The following CEP128 variants were observed in gnomAD, a reference collection of about 807,000 sequenced individuals.
CEP128 encodes centrosomal protein 128kDa.
In CEP128, 132 loss-of-function variants were observed where a neutral mutation model predicts 156.7. The observed-to-expected ratio is 0.84, with a 90% CI of 0.73 to 0.97. The LOEUF (loss-of-function observed/expected upper bound fraction) is 0.97. Ranked by LOEUF, CEP128 falls within the 50% of genes least tolerant of loss-of-function variation. CEP128 has a pLI of 0.00. For synonymous variants in CEP128, 469 were observed against 448.9 expected, an observed-to-expected ratio of 1.04 and a Z score of -0.57; for missense variants, 1,252 against 1,281.9, an observed-to-expected ratio of 0.98 and a Z score of 0.36.
Position 80,527,017 on chromosome 14 carries a change from T to G in CEP128, c.2959-35A>C, listed in dbSNP as rs113431377. The G allele has an allele frequency of 2.5e-3, 2,420 of 971,844 alleles. 48 individuals carry two copies. In the African/African-American group the frequency reaches 0.037, roughly 15 times the overall value. 60.2% of individuals were successfully genotyped at this position (971,844 alleles called of 1,614,324 possible). ...AAAAAAAGCAAAGGGTCTGAACTGG[T>G]AGATGAAAGAAAATCAGTGCTTGAA... is the stretch of plus-strand genomic sequence containing the variant. On this transcript the variant is annotated intron_variant, in intron 22 of 24. Transcript: ENST00000555265.
At chr14:80,567,866 G>T (rs1890980959) in intron 20 of CEP128, among the ~76,000 whole-genome samples, 1 of 151,864 alleles carries the variant, frequency 6.6e-6, no homozygotes, top group Non-Finnish European at 1.5e-5. Context: ...AAGAGATGGA[G>T]AAAGAGGAAT....
intron 13 of CEP128, among the ~76,000 whole-genome samples, chr14:80,800,967 A>G (rs1022407892): frequency 6.6e-6 from 1 of 152,244 alleles, no homozygotes; most frequent in Non-Finnish European, 1.5e-5. Context: ...AATGTGAAGA[A>G]GAGAAAAGAT....
At position 80,559,279 on chromosome 14, in the gene CEP128, C is replaced by T. The variant is rs371465350; in HGVS notation, c.2880G>A (p.Thr960=). ...SLQDRVIALE[T]STQVALDHLE... ...GGAGAAAGAAAATGCCCCAACTTAC[C>T]GTTTCTAATGCAATTACACGGTCCT... Residue 960 remains threonine, a splice_region_variant and synonymous_variant, in exon 21 of 25, where the codon ACG becomes ACA. Transcript: ENST00000555265. 2.4e-5 allele frequency: 38 copies of T among 1,603,864 alleles called. No homozygotes were observed. The highest frequency in any genetic ancestry group is 1.7e-4 in the Middle Eastern group (1 of 6,056).
intron 23 of CEP128, among the ~76,000 whole-genome samples, chr14:80,514,977 C>T (rs1888422956): frequency 6.6e-6 from 1 of 152,200 alleles, no homozygotes; most frequent in South Asian, 2.1e-4. Context: ...GTGAGTCTTG[C>T]AGACTCATAG....
intron 14 of CEP128, among the ~76,000 whole-genome samples, chr14:80,479,259 G>A (rs1355465557): frequency 6.6e-6 from 1 of 152,156 alleles, no homozygotes; most frequent in Admixed American, 6.6e-5. Context: ...GGTGGATTAT[G>A]CAAGTAAAAT....
intron 19 of CEP128, among the ~76,000 whole-genome samples, chr14:80,667,981 G>A (rs893467616): frequency 3.3e-5 from 5 of 151,952 alleles, no homozygotes; most frequent in African/African-American, 1.2e-4. Context: ...TGACACTGAT[G>A]ATGAAAACAA....
At chr14:80,579,800 A>G (rs1363277364) in intron 20 of CEP128, among the ~76,000 whole-genome samples, 1 of 152,234 alleles carries the variant, frequency 6.6e-6, no homozygotes, top group African/African-American at 2.4e-5. Flanking sequence ...ATGTGAAAAG[A>G]AGAGAGAACT....
chr14:80,795,781 C>A (rs1324189463), intron 13 of CEP128, among the ~76,000 whole-genome samples: 2 of 152,116 alleles, frequency 1.3e-5, no homozygotes, highest in Non-Finnish European at 1.5e-5. Context: ...ATGCAGGATA[C>A]CCCAAATATG....
chr14:80,575,606 C>T (rs1891322412), intron 20 of CEP128, among the ~76,000 whole-genome samples: 1 of 152,048 alleles, frequency 6.6e-6, no homozygotes, highest in South Asian at 2.1e-4. Flanking sequence ...TTGCTTTATC[C>T]CTAAGCATGC....
chr14:80,944,822 CAAAAAAAAAAAAAAAAAA>C (rs55662141), upstream of CEP128, among the ~76,000 whole-genome samples: 25 of 34,652 alleles, frequency 7.2e-4, no homozygotes, highest in East Asian at 1.2e-3. Context: ...GAGTCTGTCT[CAAAAAAAAAAAAAAAAAA>C]AAAAAAAAAA....
chr14:80,586,000 T>G (rs1241788052), intron 19 of CEP128, among the ~76,000 whole-genome samples: 3 of 152,172 alleles, frequency 2.0e-5, no homozygotes, highest in Admixed American at 2.0e-4. Flanking sequence ...ATTAGCTACA[T>G]GCCAGAGATA....
intron 2 of CEP128, among the ~76,000 whole-genome samples, chr14:80,938,440 GGTTTCACCAT>G (rs1203178371): frequency 6.6e-6 from 1 of 151,822 alleles, no homozygotes; most frequent in East Asian, 1.9e-4. Flanking sequence ...GTAGAGACAA[GGTTTCACCAT>G]GTTAGCCAGG....
At chr14:80,718,242 GT>G (rs1430139591) in intron 19 of CEP128, among the ~76,000 whole-genome samples, 2 of 152,106 alleles carry the variant, frequency 1.3e-5, no homozygotes, top group Non-Finnish European at 2.9e-5. Flanking sequence ...AATTATCAAT[GT>G]CAATTCATTA....
At chr14:80,851,715 CT>C (rs1886898693) in intron 9 of CEP128, among the ~76,000 whole-genome samples, 1 of 151,414 alleles carries the variant, frequency 6.6e-6, no homozygotes, top group Admixed American at 6.6e-5. Context: ...TATAAAATGA[CT>C]AATGCAACCA....
At position 80,761,764 on chromosome 14, in the gene CEP128, T is replaced by A. The variant is rs535542337; in HGVS notation, c.2377-151A>T. The A allele has an allele frequency of 4.6e-5, 23 of 502,052 alleles. No homozygotes were observed. In the East Asian group the frequency reaches 6.6e-4, roughly 14 times the overall value. The allele number at this position is 502,052 out of a possible 1,614,324, so 31.1% of individuals were successfully genotyped here. A position where few individuals can be genotyped will look rare whatever the true frequency, so the allele number is the denominator to read the frequency against. ...CTTTACCAAAATAAAAACACTTTAA[T>A]CTACTCATTAACTGAGGTAAAATTA... On this transcript the variant is annotated intron_variant, in intron 16 of 24. Coordinates refer to ENST00000555265, the MANE Select transcript of CEP128 (RefSeq NM_152446.5).
At chr14:80,817,401 C>T (rs1390038949) in intron 13 of CEP128, among the ~76,000 whole-genome samples, 1 of 152,036 alleles carries the variant, frequency 6.6e-6, no homozygotes, top group East Asian at 1.9e-4. Flanking sequence ...TTTGAATGGG[C>T]CTACATGTCA....
chr14:80,696,234 A>T (rs1896888147), intron 19 of CEP128, among the ~76,000 whole-genome samples: 1 of 152,228 alleles, frequency 6.6e-6, no homozygotes. Flanking sequence ...GTAAACAAGG[A>T]ATAACATAAG....
chr14:80,644,696 T>C (rs977457304), intron 19 of CEP128, among the ~76,000 whole-genome samples: 1 of 152,196 alleles, frequency 6.6e-6, no homozygotes, highest in Non-Finnish European at 1.5e-5. Context: ...AACATTTTTC[T>C]TTTAAGGTAA....
intron 19 of CEP128, among the ~76,000 whole-genome samples, chr14:80,590,032 C>T (rs1318497042): frequency 6.6e-6 from 1 of 152,058 alleles, no homozygotes; most frequent in African/African-American, 2.4e-5. Flanking sequence ...CAGGAATCCG[C>T]TTCACATATA....
Sources: allele counts gnomAD v4.1 joint callset (sites outside exome capture counted in the v4.1 genomes callset), GRCh38; gene constraint gnomAD v4.1.1; transcripts MANE v1.5; gene names NCBI Gene and HGNC (gene_info 2026-07-23, HGNC 2026-07-21).